PFKFB3: variants seen among roughly 807,000 people sequenced by gnomAD.
PFKFB3 encodes the protein 6-phosphofructo-2-kinase/fructose-2,6-biphosphatase 3, also known as 6-phosphofructo-2-kinase/fructose-2,6-bisphosphatase 3.
PFKFB3 carries 33 observed loss-of-function variants against 68.0 expected under a neutral mutation model. The observed-to-expected ratio is 0.49, with a 90% CI of 0.37 to 0.65. PFKFB3 has a LOEUF of 0.65. Among genes scored for constraint, PFKFB3 ranks in the 30% least tolerant of loss-of-function variants. The pLI, the probability that PFKFB3 is intolerant of heterozygous loss-of-function variation, is 0.00. For missense variants in PFKFB3, 586 were observed against 712.2 expected, an observed-to-expected ratio of 0.82 and a Z score of 2.02; for synonymous variants, 315 against 288.2, an observed-to-expected ratio of 1.09 and a Z score of -0.94.
At chr10:6,155,391 A>C (rs1184726946) in intron 1 of PFKFB3, among the ~76,000 whole-genome samples, 1 of 151,724 alleles carries the variant, frequency 6.6e-6, no homozygotes, top group Non-Finnish European at 1.5e-5. Context: ...TTTTTCATAG[A>C]GACGGGGTTT....
Position 6,202,940 on chromosome 10 carries a change from C to A in PFKFB3, c.-321C>A, listed in dbSNP as rs1843428700. ...GGTGCGCGGGGCATCCCAGCCAAGC[C>A]GGAGAGGAGGCGAGCAGCAGGGCCT... On this transcript the variant is annotated 5_prime_UTR_variant, in exon 1 of 15. Transcript: ENST00000379775. 120 of 1,235,314 alleles carry A rather than the reference C, an allele frequency of 9.7e-5. 1 individual carries two copies. The highest frequency in any genetic ancestry group is 6.4e-4 in the Middle Eastern group (2 of 3,132). The allele number at this position is 1,235,314 out of a possible 1,614,324, so 76.5% of individuals were successfully genotyped here.
the PFKFB3 span, among the ~76,000 whole-genome samples, chr10:6,266,689 A>G: frequency 1.2e-3 from 183 of 152,322 alleles, no homozygotes; most frequent in African/African-American, 4.3e-3. Flanking sequence ...TTCAATGCAA[A>G]TGTTCTTCTT....
At chr10:6,251,249 G>A (rs759360271) in intron 14 of PFKFB3, among the ~76,000 whole-genome samples, 1 of 152,098 alleles carries the variant, frequency 6.6e-6, no homozygotes, top group Non-Finnish European at 1.5e-5. Flanking sequence ...TCTTCAAAAA[G>A]TCCCTGCATC....
intron 1 of PFKFB3, among the ~76,000 whole-genome samples, chr10:6,211,107 A>G (rs896112655): frequency 6.6e-6 from 1 of 152,198 alleles, no homozygotes; most frequent in African/African-American, 2.4e-5. Flanking sequence ...AGAGCAGTGC[A>G]TAGGGAGAAT....
At chr10:6,223,701 C>T (rs1378709823) in intron 11 of PFKFB3, among the ~76,000 whole-genome samples, 2 of 152,194 alleles carry the variant, frequency 1.3e-5, no homozygotes, top group East Asian at 3.8e-4. Flanking sequence ...ACTGCAACCT[C>T]CACCTCCCAG....
intron 1 of PFKFB3, among the ~76,000 whole-genome samples, chr10:6,155,126 G>C (rs529035421): frequency 6.6e-6 from 1 of 152,110 alleles, no homozygotes; most frequent in African/African-American, 2.4e-5. Context: ...AAAGAATTCC[G>C]AAAGGTTCTG....
Position 6,232,906 on chromosome 10 carries a change from C to T in PFKFB3, c.1527C>T (p.Gly509=). Residue 509 remains glycine, a synonymous_variant, in exon 15 of 15, where the codon GGC becomes GGT. Coordinates refer to ENST00000379775, the MANE Select transcript of PFKFB3 (RefSeq NM_004566.4). ...TCTCCTGAAAACAGAACATGAAAGG[C>T]TCCCGGAGCAGCGCTGACTCCTCCA... ...PTQLPGQNMK[G]SRSSADSSRK... 2 of 1,613,300 alleles carry T rather than the reference C, an allele frequency of 1.2e-6. No homozygotes were observed. The highest frequency in any genetic ancestry group is 1.7e-6 in the Non-Finnish European group (2 of 1,179,494).
chr10:6,320,184 G>A, the PFKFB3 span, among the ~76,000 whole-genome samples: 67 of 152,312 alleles, frequency 4.4e-4, no homozygotes, highest in African/African-American at 1.6e-3. Context: ...CTGGGTGACA[G>A]AGTGAGACCC....
chr10:6,215,726 G>A lies in PFKFB3; in HGVS notation c.300-399G>A, dbSNP rs537419897. Reference sequence around the variant, plus strand: ...TTGGAAAGGATTTCTTGTTAAGTGCGAGTTGATTGTGAAACCCTAGTGCAA... The same window carrying A: ...TTGGAAAGGATTTCTTGTTAAGTGCAAGTTGATTGTGAAACCCTAGTGCAA... On this transcript the variant is annotated intron_variant, in intron 3 of 14. Coordinates refer to ENST00000379775, the MANE Select transcript of PFKFB3 (RefSeq NM_004566.4). This position sits in a 1 kb window ranked among gnomAD's most constrained non-coding sequence, Gnocchi z 4.3. Among the ~76,000 whole-genome samples the A allele has an allele frequency of 2.6e-5, 4 of 152,212 alleles. No homozygotes were observed. The highest frequency in any genetic ancestry group is 5.9e-5 in the Non-Finnish European group (4 of 68,032).
intron 1 of PFKFB3, among the ~76,000 whole-genome samples, chr10:6,178,036 G>A (rs2131775460): frequency 6.6e-6 from 1 of 152,308 alleles, no homozygotes; most frequent in African/African-American, 2.4e-5. Context: ...TTCAGGGCTG[G>A]CATGAAGACC....
rs891127203 is a variant in PFKFB3, at chr10:6,154,989, C to T, written c.16+9976C>T. Reference sequence around the variant, plus strand: ...AGCAGCTCTGTTTCTGTCTGTGGTTCAAAAGGATGGGACCCAGTAAGCAGC... The same window carrying T: ...AGCAGCTCTGTTTCTGTCTGTGGTTTAAAAGGATGGGACCCAGTAAGCAGC... On this transcript the variant is annotated intron_variant, in intron 1 of 14. Transcript: ENST00000379789. This position sits in a 1 kb window ranked among gnomAD's most constrained non-coding sequence, Gnocchi z 4.6. Among the ~76,000 whole-genome samples, 5 of 152,150 alleles carry T rather than the reference C, an allele frequency of 3.3e-5. No homozygotes were observed. The highest frequency in any genetic ancestry group is 6.5e-5 in the Admixed American group (1 of 15,274).
At chr10:6,238,412 G>A (rs1164420759), downstream of PFKFB3, among the ~76,000 whole-genome samples, 1 of 142,262 alleles carries the variant, frequency 7.0e-6, no homozygotes, top group South Asian at 2.2e-4. Flanking sequence ...TGATCTACCT[G>A]CCTTGGCCTC....
At chr10:6,306,241 G>A in the PFKFB3 span, among the ~76,000 whole-genome samples, 47 of 152,208 alleles carry the variant, frequency 3.1e-4, no homozygotes, top group African/African-American at 1.1e-3. Flanking sequence ...TTGGGCAAAG[G>A]GGGTTCCAGT....
the PFKFB3 span, among the ~76,000 whole-genome samples, chr10:6,292,519 G>A: frequency 6.6e-6 from 1 of 150,864 alleles, no homozygotes; most frequent in African/African-American, 2.4e-5. Flanking sequence ...TCGATCTCCT[G>A]ACCTCGTGAT....
downstream of PFKFB3, among the ~76,000 whole-genome samples, chr10:6,255,316 GT>G (rs996398973): frequency 4.0e-5 from 6 of 151,214 alleles, no homozygotes; most frequent in African/African-American, 1.5e-4. Context: ...TAGAGATGGG[GT>G]TTCTCCATGT....
At chr10:6,159,680 G>A (rs1841914956) in intron 1 of PFKFB3, among the ~76,000 whole-genome samples, 3 of 140,654 alleles carry the variant, frequency 2.1e-5, no homozygotes, top group African/African-American at 2.6e-5. Flanking sequence ...CAACAAGAGT[G>A]AAACTCCGTC....
intron 1 of PFKFB3, among the ~76,000 whole-genome samples, chr10:6,196,941 C>T (rs1454981600): frequency 1.3e-5 from 2 of 151,900 alleles, no homozygotes; most frequent in Non-Finnish European, 2.9e-5. Flanking sequence ...CTGTACCTGG[C>T]TTGTTTTAAT....
intron 1 of PFKFB3, among the ~76,000 whole-genome samples, chr10:6,182,342 C>G (rs1160085694): frequency 6.6e-6 from 1 of 152,174 alleles, no homozygotes; most frequent in Non-Finnish European, 1.5e-5. Flanking sequence ...AGGGTCTGAG[C>G]TGGGAGACCT....
chr10:6,262,030 A>AAT, the PFKFB3 span, among the ~76,000 whole-genome samples: 1 of 150,852 alleles, frequency 6.6e-6, no homozygotes, highest in Non-Finnish European at 1.5e-5. Flanking sequence ...AAAAAAAAAA[A>AAT]CACAAAAAAC....
Sources: gnomAD v4.1 joint callset for allele counts (sites outside exome capture counted in the v4.1 genomes callset) on GRCh38, gnomAD v4.1.1 for gene constraint, Gnocchi (gnomAD v3.1) non-coding constraint, MANE v1.5 for transcripts, NCBI Gene and HGNC (gene_info 2026-07-23, HGNC 2026-07-21) for gene names.